The following AHI1 variants were observed in gnomAD, a reference collection of about 807,000 sequenced individuals.
AHI1 encodes the protein jouberin.
A neutral mutation model predicts 149.3 loss-of-function variants in AHI1; 123 were observed. The ratio of observed to expected loss-of-function variants is 0.82; its 90% CI spans 0.71 to 0.96. AHI1 has a LOEUF of 0.96. Among genes scored for constraint, AHI1 ranks in the 40% least tolerant of loss-of-function variants. The pLI, the probability that AHI1 is intolerant of heterozygous loss-of-function variation, is 0.00. For missense variants in AHI1, 1,439 were observed against 1,422.7 expected (o/e 1.01, Z -0.18); for synonymous variants, 475 against 459.8 (o/e 1.03, Z -0.42).
intron 20 of AHI1, among the ~76,000 whole-genome samples, 183 bp downstream of exon 20, chr6:135,426,984 G>C (rs1783996268): frequency 6.6e-6 from 1 of 151,438 alleles, no homozygotes; most frequent in Non-Finnish European, 1.5e-5. Context: ...TAATTTTTAG[G>C]TGAATTCTAT....
intron 22 of AHI1, among the ~76,000 whole-genome samples, chr6:135,397,509 T>G (rs982420509): frequency 6.6e-6 from 1 of 151,968 alleles, no homozygotes; most frequent in East Asian, 1.9e-4. Context: ...TTAATGAAAT[T>G]CATAATAAAG....
chr6:135,451,655 A>G (rs531065229), intron 11 of AHI1, among the ~76,000 whole-genome samples: 1 of 152,282 alleles, frequency 6.6e-6, no homozygotes, highest in Non-Finnish European at 1.5e-5. Context: ...CCAATGGCAT[A>G]AGATGAATAA....
At chr6:135,393,025 A>G (rs927950148) in intron 23 of AHI1, among the ~76,000 whole-genome samples, 1 of 152,214 alleles carries the variant, frequency 6.6e-6, no homozygotes, top group Non-Finnish European at 1.5e-5. Flanking sequence ...GGTTAGACAT[A>G]TTAGTAACCA....
At chr6:135,365,369 T>C (rs1000149463) in intron 23 of AHI1, among the ~76,000 whole-genome samples, 5 of 152,158 alleles carry the variant, frequency 3.3e-5, no homozygotes, top group African/African-American at 7.2e-5. Flanking sequence ...TTGATGGAAA[T>C]TGCATTGAAT....
intron 22 of AHI1, among the ~76,000 whole-genome samples, 154 bp from the exon 23 acceptor site, chr6:135,395,050 C>A (rs1169459723): frequency 6.6e-6 from 1 of 151,708 alleles, no homozygotes; most frequent in Non-Finnish European, 1.5e-5. Flanking sequence ...GTAAACTTTA[C>A]AAAAGAGAAT....
At chr6:135,371,838 C>G (rs950417067) in intron 23 of AHI1, among the ~76,000 whole-genome samples, 4 of 152,080 alleles carry the variant, frequency 2.6e-5, no homozygotes, top group Non-Finnish European at 4.4e-5. Flanking sequence ...TTGTTCTACT[C>G]GGTGTTGAGC....
At chr6:135,470,523 C>T (rs1791514393) in intron 5 of AHI1, among the ~76,000 whole-genome samples, 1 of 152,028 alleles carries the variant, frequency 6.6e-6, no homozygotes, top group African/African-American at 2.4e-5. Flanking sequence ...TGCGTATGTT[C>T]ACTGCAGCAC....
chr6:135,472,778 T>C (rs1342198842), intron 5 of AHI1, among the ~76,000 whole-genome samples: 1 of 146,980 alleles, frequency 6.8e-6, no homozygotes, highest in African/African-American at 2.4e-5. Context: ...GTCTATTTGC[T>C]ATCTATAGCT....
chr6:135,358,008 C>A, intron 24 of AHI1, 124 bp downstream of exon 24: 1 of 746,352 alleles, frequency 1.3e-6, no homozygotes, highest in South Asian at 1.7e-5. Context: ...ATGAACAAAT[C>A]TTGCAGGGAT....
Position 135,374,119 on chromosome 6 carries a change from T to A in AHI1, c.3110-15932A>T, listed in dbSNP as rs1163797325. Among the ~76,000 whole-genome samples, 183 of 132,264 alleles carry A rather than the reference T, an allele frequency of 1.4e-3. 1 individual carries two copies. Among genetic ancestry groups the A allele is most frequent in the African/African-American group, 1.9e-3 (66 of 35,494 alleles). The allele number at this position is 132,264 out of a possible 152,430, so 86.8% of individuals were successfully genotyped here. A position where few individuals can be genotyped will look rare whatever the true frequency, so the allele number is the denominator to read the frequency against. On this transcript the variant is annotated intron_variant, in intron 23 of 28. Coordinates refer to ENST00000265602, the MANE Select transcript of AHI1 (RefSeq NM_001134831.2). ...ATATATATATATATATTTTTTTTTT[T>A]TTTTTTTTTTTTGAGATGGAGTCTT... is the stretch of plus-strand genomic sequence containing the variant.
chr6:135,495,947 C>T (rs1306373012), intron 2 of AHI1, 49 bp from the exon 3 acceptor site: 1 of 151,922 alleles, frequency 6.6e-6, no homozygotes, highest in Admixed American at 6.6e-5. Context: ...CAGTACATTG[C>T]AATAAAATTA....
intron 5 of AHI1, among the ~76,000 whole-genome samples, chr6:135,478,894 C>A (rs1357316965): frequency 6.6e-6 from 1 of 152,254 alleles, no homozygotes; most frequent in Non-Finnish European, 1.5e-5. Context: ...TGTGTCCCAG[C>A]TGCTCTGGCT....
At chr6:135,308,258 CAG>C (rs1177185821) in intron 26 of AHI1, among the ~76,000 whole-genome samples, 2 of 152,026 alleles carry the variant, frequency 1.3e-5, no homozygotes, top group African/African-American at 2.4e-5. Context: ...TTTTGTGACA[CAG>C]AGTCTTGATC....
At chr6:135,480,919 A>G (rs180984702) in intron 5 of AHI1, among the ~76,000 whole-genome samples, 1 of 152,336 alleles carries the variant, frequency 6.6e-6, no homozygotes, top group East Asian at 1.9e-4. Flanking sequence ...CACGTTCCTT[A>G]TGAGAATCTA....
chr6:135,365,824 T>C (rs1471888293), intron 23 of AHI1, among the ~76,000 whole-genome samples: 1 of 152,226 alleles, frequency 6.6e-6, no homozygotes, highest in Non-Finnish European at 1.5e-5. Flanking sequence ...GTGATTGCTA[T>C]GGCTAGGACT....
Position 135,408,341 on chromosome 6 carries a change from T to A in AHI1, c.2961+3007A>T, listed in dbSNP as rs372647688. On this transcript the variant is annotated intron_variant, in intron 21 of 28. Coordinates refer to ENST00000265602, the MANE Select transcript of AHI1 (RefSeq NM_001134831.2). The stretch of plus-strand genomic sequence containing the variant: ...TAGTGAAGAAATATGTTTCTCTTCA[T>A]CTTTAAAGCTCAATGTATCTATTCA... 7.9e-5 allele frequency among the ~76,000 whole-genome samples: 12 copies of A among 152,254 alleles called. 1 individual carries two copies. Among genetic ancestry groups the A allele is most frequent in the East Asian group, 1.9e-4 (1 of 5,194 alleles).
At chr6:135,349,112 G>A (rs1283721183) in intron 24 of AHI1, among the ~76,000 whole-genome samples, 1 of 152,120 alleles carries the variant, frequency 6.6e-6, no homozygotes, top group African/African-American at 2.4e-5. Flanking sequence ...AGCCTCCAGA[G>A]TGGCTGGGAC....
intron 5 of AHI1, among the ~76,000 whole-genome samples, chr6:135,472,715 T>C (rs192446116): frequency 2.0e-5 from 3 of 152,326 alleles, no homozygotes; most frequent in African/African-American, 7.2e-5. Flanking sequence ...TACCTCAGTA[T>C]TGTTTTAAAC....
intron 25 of AHI1, among the ~76,000 whole-genome samples, chr6:135,318,959 A>G (rs898304677): frequency 6.6e-6 from 1 of 152,218 alleles, no homozygotes; most frequent in Non-Finnish European, 1.5e-5. Context: ...GAACTGTTGG[A>G]GAACATATGG....
Sources: allele counts gnomAD v4.1 joint callset (sites outside exome capture counted in the v4.1 genomes callset), GRCh38; gene constraint gnomAD v4.1.1; transcripts MANE v1.5; gene names NCBI Gene and HGNC (gene_info 2026-07-23, HGNC 2026-07-21).